Variants in TAFA2 observed in about 807,000 individuals in gnomAD.
The protein encoded by TAFA2 is chemokine-like protein TAFA-2.
Under a neutral mutation model 18.8 loss-of-function variants are expected in TAFA2, and 7 were observed. The ratio of observed to expected loss-of-function variants is 0.37; its 90% confidence interval spans 0.21 to 0.70. TAFA2 has a LOEUF of 0.70. Among genes scored for constraint, TAFA2 ranks in the 30% least tolerant of loss-of-function variants. TAFA2 has a pLI of 0.53. For synonymous variants in TAFA2, 60 were observed against 54.2 expected, an observed-to-expected ratio of 1.11 and a Z score of -0.47; for missense variants, 122 against 158.1, an observed-to-expected ratio of 0.77 and a Z score of 1.23.
intron 1 of TAFA2, among the ~76,000 whole-genome samples, chr12:62,121,419 C>A (rs1446610583): frequency 6.6e-6 from 1 of 152,140 alleles, no homozygotes; most frequent in East Asian, 1.9e-4. Flanking sequence ...AGTGATTCAA[C>A]TTTACTGAGA....
chr12:61,938,708 G>A (rs61940970), intron 1 of TAFA2, among the ~76,000 whole-genome samples: 20,099 of 152,046 alleles, frequency 0.13, 1,657 homozygotes, highest in East Asian at 0.2. Flanking sequence ...TATATACATC[G>A]TGGAATACTA....
chr12:62,096,768 T>C lies in TAFA2; in HGVS notation c.-2+94491A>G, dbSNP rs544654666. ...AGGCACAAATGGCTTAGCTTGTCAC[T>C]CTCGTGCAGTTTGCAAACCCTTCCC... On this transcript the variant is annotated intron_variant, in intron 1 of 4. Transcript: ENST00000416284. Among the ~76,000 whole-genome samples the C allele has an allele frequency of 3.9e-5, 6 of 152,212 alleles. No individual in the cohort carries two copies. The East Asian group carries it at 7.7e-4, about 20-fold the overall frequency.
intron 1 of TAFA2, among the ~76,000 whole-genome samples, chr12:62,025,629 T>C (rs1316931981): frequency 6.6e-6 from 1 of 152,124 alleles, no homozygotes; most frequent in African/African-American, 2.4e-5. Flanking sequence ...GTCAGAACAT[T>C]GGATGGCTAT....
At chr12:61,821,165 A>ACACACAC (rs10667553) in intron 2 of TAFA2, among the ~76,000 whole-genome samples, 1 of 145,898 alleles carries the variant, frequency 6.9e-6, no homozygotes, top group Admixed American at 7.0e-5. Context: ...ACACACACAC[A>ACACACAC]ATTATTTGGA....
intron 1 of TAFA2, among the ~76,000 whole-genome samples, chr12:61,947,196 C>G (rs1878299698): frequency 6.8e-6 from 1 of 147,504 alleles, no homozygotes; most frequent in Non-Finnish European, 1.5e-5. Context: ...TCTCAGTAAA[C>G]TATCGCAAGG....
At chr12:62,042,209 A>C (rs1881775367) in intron 1 of TAFA2, among the ~76,000 whole-genome samples, 1 of 151,914 alleles carries the variant, frequency 6.6e-6, no homozygotes, top group Non-Finnish European at 1.5e-5. Flanking sequence ...CCTACAAGCA[A>C]AAGCACGTAA....
At chr12:62,134,955 T>C (rs1870837739) in intron 1 of TAFA2, among the ~76,000 whole-genome samples, 1 of 152,058 alleles carries the variant, frequency 6.6e-6, no homozygotes, top group Non-Finnish European at 1.5e-5. Context: ...ACCTGTCTAA[T>C]TTCTACTCTT....
At chr12:61,727,129 C>T (rs191306380) in intron 4 of TAFA2, among the ~76,000 whole-genome samples, 3 of 152,000 alleles carry the variant, frequency 2.0e-5, no homozygotes, top group South Asian at 4.2e-4. Context: ...ATTCAATTAG[C>T]TAGTAATTTA....
intron 1 of TAFA2, among the ~76,000 whole-genome samples, chr12:62,028,631 C>G (rs1437580620): frequency 6.6e-6 from 1 of 152,150 alleles, no homozygotes; most frequent in African/African-American, 2.4e-5. Context: ...TGTACAAACT[C>G]AAATAACTAT....
chr12:62,115,672 G>A (rs971476936), intron 1 of TAFA2, among the ~76,000 whole-genome samples: 6 of 152,118 alleles, frequency 3.9e-5, no homozygotes, highest in Non-Finnish European at 7.3e-5. Context: ...TGCTTCCCAC[G>A]GTTGTGTCTG....
chr12:62,043,118 T>C (rs1317226241), intron 1 of TAFA2, among the ~76,000 whole-genome samples: 1 of 152,196 alleles, frequency 6.6e-6, no homozygotes, highest in Non-Finnish European at 1.5e-5. Flanking sequence ...AATATTTTAA[T>C]GTATGTATTA....
intron 2 of TAFA2, among the ~76,000 whole-genome samples, chr12:61,783,324 C>A (rs770225885): frequency 6.6e-6 from 1 of 151,596 alleles, no homozygotes; most frequent in South Asian, 2.1e-4. Flanking sequence ...AAACTTCATA[C>A]GAATAGACTT....
At chr12:62,195,958 T>A (rs1565776721), upstream of TAFA2, among the ~76,000 whole-genome samples, 1 of 152,240 alleles carries the variant, frequency 6.6e-6, no homozygotes, top group Non-Finnish European at 1.5e-5. Flanking sequence ...TAAGGATGTT[T>A]ATTTACATTG....
intron 1 of TAFA2, among the ~76,000 whole-genome samples, chr12:61,901,259 C>CTTTT (rs1203233805): frequency 1.8e-3 from 20 of 10,900 alleles, no homozygotes; most frequent in South Asian, 4.3e-3. Context: ...TTCAATTTCA[C>CTTTT]TTTTTTTTTT....
At chr12:61,969,656 A>C (rs1306372667) in intron 1 of TAFA2, among the ~76,000 whole-genome samples, 18 of 151,732 alleles carry the variant, frequency 1.2e-4, no homozygotes, top group Non-Finnish European at 1.5e-5. Context: ...TCTAATAGAG[A>C]AAACATGTGT....
intron 1 of TAFA2, among the ~76,000 whole-genome samples, chr12:62,092,710 A>T (rs74761714): frequency 0.054 from 8,227 of 152,092 alleles, 332 homozygotes; most frequent in Non-Finnish European, 0.083. Context: ...GTGAATGGAT[A>T]AATCAACCTC....
At chr12:62,029,799 A>T (rs1881405105) in intron 1 of TAFA2, among the ~76,000 whole-genome samples, 1 of 145,024 alleles carries the variant, frequency 6.9e-6, no homozygotes, top group South Asian at 2.2e-4. Context: ...GAACCACATT[A>T]AATGTCTTCC....
intron 1 of TAFA2, among the ~76,000 whole-genome samples, chr12:62,077,721 C>T (rs1868260259): frequency 6.6e-6 from 1 of 152,112 alleles, no homozygotes; most frequent in Non-Finnish European, 1.5e-5. Flanking sequence ...TGCCTGTCTG[C>T]CCCCAGAGTT....
intron 4 of TAFA2, among the ~76,000 whole-genome samples, chr12:61,722,502 T>C (rs927935149): frequency 6.6e-6 from 1 of 152,138 alleles, no homozygotes. Context: ...AGTGGACACA[T>C]GTAGTTGAAG....
Sources: gnomAD v4.1 joint callset for allele counts (sites outside exome capture counted in the v4.1 genomes callset) on GRCh38, gnomAD v4.1.1 for gene constraint, MANE v1.5 for transcripts, NCBI Gene and HGNC (gene_info 2026-07-23, HGNC 2026-07-21) for gene names.